CPNE8: variants seen among roughly 807,000 people sequenced by gnomAD.
CPNE8 encodes the protein copine-8.
In CPNE8, 45 loss-of-function variants were observed where a neutral mutation model predicts 81.5. That is an observed-to-expected ratio of 0.55 (90% CI 0.44 to 0.71). The LOEUF is 0.71. CPNE8 is among the 30% of genes least tolerant of loss of function. The probability of loss-of-function intolerance (pLI) is 0.00; values close to 1 mark genes in which losing one functional copy is unlikely to be tolerated. For synonymous variants in CPNE8, 252 were observed against 226.3 expected, an observed-to-expected ratio of 1.11 and a Z score of -1.02; for missense variants, 594 against 672.1, an observed-to-expected ratio of 0.88 and a Z score of 1.28.
chr12:38,732,969 C>T (rs1940867514), intron 10 of CPNE8, among the ~76,000 whole-genome samples: 1 of 151,982 alleles, frequency 6.6e-6, no homozygotes. Flanking sequence ...TATTGCATTT[C>T]AGCCTCCAAC....
At chr12:38,724,994 C>G in intron 11 of CPNE8, 95 bp from the exon 12 acceptor site, 1 of 1,062,866 alleles carries the variant, frequency 9.4e-7, no homozygotes. Flanking sequence ...CTGCTGCCTT[C>G]CCTTCTTATG....
intron 11 of CPNE8, among the ~76,000 whole-genome samples, chr12:38,725,365 C>T (rs1217313356): frequency 6.6e-6 from 1 of 152,142 alleles, no homozygotes; most frequent in African/African-American, 2.4e-5. Context: ...ACCAGTTTCC[C>T]ATGCTACATA....
chr12:38,833,777 C>T (rs560630017), intron 5 of CPNE8, among the ~76,000 whole-genome samples: 1 of 152,058 alleles, frequency 6.6e-6, no homozygotes, highest in Non-Finnish European at 1.5e-5. Context: ...CGCACCCGGC[C>T]ACCAATTTTT....
At chr12:38,671,001 C>T in intron 18 of CPNE8, 199 bp from the exon 19 acceptor site, 1 of 494,452 alleles carries the variant, frequency 2.0e-6, no homozygotes, top group East Asian at 3.7e-5. Context: ...AGAAAGTGAA[C>T]CAAGATCTTT....
intron 1 of CPNE8, among the ~76,000 whole-genome samples, chr12:38,902,580 C>G (rs905340847): frequency 1.3e-5 from 2 of 152,180 alleles, no homozygotes; most frequent in Admixed American, 6.5e-5. Context: ...TAGCAAGGCT[C>G]AGAGGCCTTC....
intron 6 of CPNE8, among the ~76,000 whole-genome samples, chr12:38,825,925 T>C (rs1943182885): frequency 6.6e-6 from 1 of 152,192 alleles, no homozygotes; most frequent in South Asian, 2.1e-4. Context: ...AATTAATCTT[T>C]CCTATTTCAT....
intron 1 of CPNE8, among the ~76,000 whole-genome samples, chr12:38,882,282 A>G (rs1193388234): frequency 1.3e-5 from 2 of 152,180 alleles, no homozygotes; most frequent in African/African-American, 4.8e-5. Context: ...AGAGTTGTAG[A>G]TTTTGGCCTT....
intron 5 of CPNE8, among the ~76,000 whole-genome samples, chr12:38,830,397 C>A (rs1943265958): frequency 6.6e-6 from 1 of 152,130 alleles, no homozygotes; most frequent in African/African-American, 2.4e-5. Context: ...TGATTCCAGA[C>A]TGATATGCCA....
At chr12:38,672,781 T>C (rs981325460) in intron 18 of CPNE8, among the ~76,000 whole-genome samples, 1 of 152,222 alleles carries the variant, frequency 6.6e-6, no homozygotes, top group Admixed American at 6.5e-5. Context: ...AAAATGGTCT[T>C]ATCAAAATAC....
chr12:38,730,698 G>A (rs1189006392), intron 10 of CPNE8, among the ~76,000 whole-genome samples: 1 of 151,218 alleles, frequency 6.6e-6, no homozygotes, highest in East Asian at 1.9e-4. Flanking sequence ...GAAAGTTAGA[G>A]ACTACACTAA....
intron 6 of CPNE8, among the ~76,000 whole-genome samples, chr12:38,788,340 C>T (rs564058762): frequency 6.6e-6 from 1 of 151,610 alleles, no homozygotes; most frequent in Non-Finnish European, 1.5e-5. Context: ...TAAATCAGAT[C>T]AACAAAATAA....
At chr12:38,729,740 C>G (rs1005538914) in intron 11 of CPNE8, among the ~76,000 whole-genome samples, 3 of 152,048 alleles carry the variant, frequency 2.0e-5, no homozygotes, top group African/African-American at 7.2e-5. Flanking sequence ...CTAGAACATA[C>G]TATATGCTCA....
rs563798009 is a variant in CPNE8 at position 38,863,092 on chromosome 12, CAAG to C, written c.186+9909_186+9911del. 6.9e-3 allele frequency among the ~76,000 whole-genome samples: 1,055 copies of C among 152,100 alleles called. 5 individuals carry two copies. The highest frequency in any genetic ancestry group is 0.012 in the Non-Finnish European group (782 of 67,960). On this transcript the variant is annotated intron_variant, in intron 3 of 19. Transcript: ENST00000331366. ...AGACTAATAACTGATAAACCTTTGC[CAAG>C]AAGAACCAAAAAAAGAAACACAAAT...
At chr12:38,725,747 G>C (rs1469505587) in intron 11 of CPNE8, among the ~76,000 whole-genome samples, 1 of 152,222 alleles carries the variant, frequency 6.6e-6, no homozygotes, top group African/African-American at 2.4e-5. Flanking sequence ...CTGGGGCAGA[G>C]AGCCCACACA....
intron 4 of CPNE8, among the ~76,000 whole-genome samples, chr12:38,846,845 T>C (rs1251156887): frequency 6.6e-6 from 1 of 152,032 alleles, no homozygotes; most frequent in Non-Finnish European, 1.5e-5. Flanking sequence ...GGATTATATG[T>C]AGTAGGAAAA....
intron 1 of CPNE8, among the ~76,000 whole-genome samples, chr12:38,887,928 G>A (rs1944259193): frequency 6.6e-6 from 1 of 152,146 alleles, no homozygotes; most frequent in Admixed American, 6.5e-5. Context: ...CAGCTCACTT[G>A]CTAACAGCTA....
chr12:38,799,616 C>T lies in CPNE8; in HGVS notation c.408-23315G>A, dbSNP rs186032972. Reference sequence around the variant, plus strand: ...GCAGGAAAGATCCAAAACTGACACCCTAACATCACAATTAAAAGAACTAGA... The same window carrying T: ...GCAGGAAAGATCCAAAACTGACACCTTAACATCACAATTAAAAGAACTAGA... On this transcript the variant is annotated intron_variant, in intron 6 of 19. Transcript: ENST00000331366. Among the ~76,000 whole-genome samples the T allele has an allele frequency of 3.9e-5, 6 of 152,232 alleles. No homozygotes were observed. The East Asian group carries it at 9.7e-4, about 25-fold the overall frequency.
chr12:38,763,535 T>C (rs956873131), intron 8 of CPNE8, among the ~76,000 whole-genome samples: 1 of 152,212 alleles, frequency 6.6e-6, no homozygotes, highest in Non-Finnish European at 1.5e-5. Context: ...CTATTGGTTC[T>C]ATATATCTAA....
chr12:38,778,835 A>C (rs1252049500), intron 6 of CPNE8, among the ~76,000 whole-genome samples: 2 of 152,230 alleles, frequency 1.3e-5, no homozygotes, highest in Non-Finnish European at 2.9e-5. Context: ...TTTAGTTTAT[A>C]GGTAAGTATG....
Sources: allele counts gnomAD v4.1 joint callset (sites outside exome capture counted in the v4.1 genomes callset), GRCh38; gene constraint gnomAD v4.1.1; transcripts MANE v1.5; gene names NCBI Gene and HGNC (gene_info 2026-07-23, HGNC 2026-07-21).